The following PCDHGA7 variants were observed in gnomAD, a reference collection of about 807,000 sequenced individuals.
The protein encoded by PCDHGA7 is protocadherin gamma-A7.
In PCDHGA7, 44 loss-of-function variants were observed where a neutral mutation model predicts 58.3. That is an observed-to-expected ratio of 0.75 (90% CI 0.59 to 0.97). The LOEUF (loss-of-function observed/expected upper bound fraction) is 0.97, where lower values mean the gene tolerates loss of function less well. Ranked by LOEUF, PCDHGA7 falls within the 50% of genes least tolerant of loss-of-function variation. The probability of loss-of-function intolerance (pLI) is 0.00; values close to 1 mark genes in which losing one functional copy is unlikely to be tolerated. For synonymous variants in PCDHGA7, 516 were observed against 504.2 expected, an observed-to-expected ratio of 1.02 and a Z score of -0.31; for missense variants, 1,266 against 1,188.7, an observed-to-expected ratio of 1.06 and a Z score of -0.96.
chr5:141,449,804 T>C (rs991937787), intron 1 of PCDHGA7, among the ~76,000 whole-genome samples: 2 of 151,676 alleles, frequency 1.3e-5, no homozygotes, highest in Non-Finnish European at 2.9e-5. Flanking sequence ...AAATACCTCA[T>C]TGTGTATTTC....
chr5:141,422,940 C>G, intron 1 of PCDHGA7: 3 of 1,614,242 alleles, frequency 1.9e-6, no homozygotes, highest in Non-Finnish European at 1.7e-6. Context: ...TCCCCACAGA[C>G]GGCTCCACTG....
chr5:141,509,027 A>G (rs1409179803), intron 3 of PCDHGA7, among the ~76,000 whole-genome samples: 1 of 151,700 alleles, frequency 6.6e-6, no homozygotes, highest in Non-Finnish European at 1.5e-5. Flanking sequence ...GCTCCCTCCC[A>G]CTCAACCCCT....
At chr5:141,409,761 T>C (rs1373037367) in intron 1 of PCDHGA7, 1 of 1,612,966 alleles carries the variant, frequency 6.2e-7, no homozygotes, top group African/African-American at 1.3e-5. Flanking sequence ...CAGCGCGCCT[T>C]TGATCACGAG....
At chr5:141,502,666 T>C (rs962424461) in intron 2 of PCDHGA7, among the ~76,000 whole-genome samples, 10 of 152,234 alleles carry the variant, frequency 6.6e-5, no homozygotes, top group African/African-American at 2.2e-4. Context: ...CTTCATGCAA[T>C]TTTAGTATTC....
At position 141,384,533 on chromosome 5, in the gene PCDHGA7, A is replaced by C; in HGVS notation, c.1634A>C (p.Asn545Thr). The change falls in exon 1 of 4, where the codon AAC becomes ACC. Residue 545 changes from asparagine to threonine, a missense_variant. Physicochemically the swap from Asn to Thr is moderately conservative, Grantham distance 65. Coordinates refer to ENST00000518325, the MANE Select transcript of PCDHGA7 (RefSeq NM_018920.4). The stretch of plus-strand genomic sequence containing the variant: ...AGCGGGGACCCGCCTCTCAGCAGCA[A>C]CATGTCACTGAGCCTGTTCGTGCTG... Reference protein sequence around the residue: ...HDSGDPPLSSNMSLSLFVLDQ... With the variant: ...HDSGDPPLSSTMSLSLFVLDQ... 1.2e-6 allele frequency: 2 copies of C among 1,614,240 alleles called. No individual in the cohort carries two copies.
At chr5:141,419,137 C>T (rs764281503) in intron 1 of PCDHGA7, 1 of 1,613,892 alleles carries the variant, frequency 6.2e-7, no homozygotes, top group Non-Finnish European at 8.5e-7. Flanking sequence ...CAGCCACAGA[C>T]AGGGGCAAGC....
At chr5:141,415,074 G>A (rs745950404) in intron 1 of PCDHGA7, 4 of 1,613,448 alleles carry the variant, frequency 2.5e-6, no homozygotes, top group East Asian at 2.2e-5. Flanking sequence ...TGCGCACGGC[G>A]CGAGCCCTGC....
chr5:141,494,021 G>C (rs1036188621), intron 1 of PCDHGA7, among the ~76,000 whole-genome samples: 2 of 152,158 alleles, frequency 1.3e-5, no homozygotes, highest in African/African-American at 2.4e-5. Context: ...CCCCTTGGGA[G>C]CCCTGGAGAC....
At chr5:141,422,038 G>A (rs949164524) in intron 1 of PCDHGA7, 9 of 1,611,746 alleles carry the variant, frequency 5.6e-6, no homozygotes, top group Non-Finnish European at 7.6e-6. Context: ...AACGGATCCA[G>A]ACGAGGGAAT....
At chr5:141,429,240 TGA>T (rs998506084) in intron 1 of PCDHGA7, 1 of 151,858 alleles carries the variant, frequency 6.6e-6, no homozygotes, top group Non-Finnish European at 1.5e-5. Context: ...CTGCTGTCAT[TGA>T]GATATTTTAA....
intron 2 of PCDHGA7, among the ~76,000 whole-genome samples, chr5:141,500,027 G>C (rs1458308566): frequency 6.6e-6 from 1 of 151,808 alleles, no homozygotes; most frequent in Non-Finnish European, 1.5e-5. Flanking sequence ...ATATTTGAGT[G>C]AGTGTCTCTT....
chr5:141,433,328 G>A (rs965877578), intron 1 of PCDHGA7: 3 of 724,464 alleles, frequency 4.1e-6, no homozygotes, highest in African/African-American at 3.6e-5. Context: ...GGTGTAACAG[G>A]GACTACAGGT....
rs554670088 is a variant in PCDHGA7 at position 141,391,069 on chromosome 5, T to C, written c.2424+5746T>C. The C allele has an allele frequency of 4.1e-4, 63 of 152,324 alleles. 1 individual carries two copies. Among genetic ancestry groups the C allele is most frequent in the African/African-American group, 1.4e-3 (59 of 41,576 alleles). The allele number at this position is 152,324 out of a possible 1,614,324, so 9.4% of individuals were successfully genotyped here. A position where few individuals can be genotyped will look rare whatever the true frequency, so the allele number is the denominator to read the frequency against. ...GTCCCTCTCACACACAGCCCTAATA[T>C]ATAATGTGTAACTGCCTTATCTGCA... On this transcript the variant is annotated intron_variant, in intron 1 of 3. Transcript: ENST00000518325.
intron 1 of PCDHGA7, chr5:141,421,352 AGG>A: frequency 6.2e-7 from 1 of 1,613,946 alleles, no homozygotes; most frequent in Non-Finnish European, 8.5e-7. Context: ...GAGACCGAAA[AGG>A]GCTCCTTCGT....
At chr5:141,401,614 G>T (rs1242268897) in intron 1 of PCDHGA7, among the ~76,000 whole-genome samples, 1 of 152,188 alleles carries the variant, frequency 6.6e-6, no homozygotes, top group Non-Finnish European at 1.5e-5. Context: ...AAAGACACCG[G>T]ATTTGTCTTA....
chr5:141,425,943 C>T (rs2096904576), intron 1 of PCDHGA7, among the ~76,000 whole-genome samples: 1 of 152,220 alleles, frequency 6.6e-6, no homozygotes, highest in African/African-American at 2.4e-5. Flanking sequence ...TGTCTAGTTT[C>T]CTATACATTA....
intron 1 of PCDHGA7, among the ~76,000 whole-genome samples, chr5:141,482,782 G>T (rs775083331): frequency 1.6e-4 from 25 of 152,154 alleles, no homozygotes; most frequent in Non-Finnish European, 3.2e-4. Context: ...ACCTTAAACT[G>T]TGTGTGTGGC....
At chr5:141,420,046 A>G (rs772981030) in intron 1 of PCDHGA7, 6 of 1,614,048 alleles carry the variant, frequency 3.7e-6, no homozygotes, top group South Asian at 1.1e-5. Context: ...GCTTTGAGTC[A>G]GTTCTCTGCT....
At chr5:141,423,833 T>A in intron 1 of PCDHGA7, 1 of 1,262,398 alleles carries the variant, frequency 7.9e-7, no homozygotes, top group Non-Finnish European at 1.0e-6. Context: ...TTCATGAGAT[T>A]ACGATAATCT....
Sources: allele counts gnomAD v4.1 joint callset (sites outside exome capture counted in the v4.1 genomes callset), GRCh38; gene constraint gnomAD v4.1.1; transcripts MANE v1.5; gene names NCBI Gene and HGNC (gene_info 2026-07-23, HGNC 2026-07-21).